The following SGMS1 variants were observed in gnomAD, a reference collection of about 807,000 sequenced individuals.
The protein encoded by SGMS1 is sphingomyelin synthase 1, also known as phosphatidylcholine:ceramide cholinephosphotransferase 1.
Under a neutral mutation model 46.2 loss-of-function variants are expected in SGMS1, and 13 were observed. That is an observed-to-expected ratio of 0.28 (90% CI 0.18 to 0.45). The LOEUF (loss-of-function observed/expected upper bound fraction) is 0.45. SGMS1 is among the 20% of genes least tolerant of loss of function. The pLI is 1.00. For synonymous variants in SGMS1, 203 were observed against 187.8 expected (o/e 1.08, Z -0.66); for missense variants, 324 against 519.9 (o/e 0.62, Z 3.66).
At position 50,344,191 on chromosome 10, in the gene SGMS1, T is replaced by C; in HGVS notation, c.-77A>G. ...TCACTGTTCCGACAGGGCAGGACAC[T>C]GTCCTGCCTCGGCTCGTTCATCCTG... On this transcript the variant is annotated 5_prime_UTR_variant, in exon 7 of 11. Transcript: ENST00000361781. 6.7e-7 allele frequency: 1 copy of C among 1,503,604 alleles called. No individual in the cohort carries two copies. The allele number at this position is 1,503,604 out of a possible 1,614,324, so 93.1% of individuals were successfully genotyped here.
At chr10:50,619,703 T>G (rs1041355637) in intron 1 of SGMS1, among the ~76,000 whole-genome samples, 4 of 152,222 alleles carry the variant, frequency 2.6e-5, no homozygotes, top group Non-Finnish European at 4.4e-5. Flanking sequence ...CTCACCTGTC[T>G]GTACGTATAA....
intron 1 of SGMS1, among the ~76,000 whole-genome samples, chr10:50,619,441 AAAAC>A (rs1464331990): frequency 2.5e-4 from 38 of 152,366 alleles, no homozygotes; most frequent in South Asian, 1.2e-3. Flanking sequence ...ATGTAAATCA[AAAAC>A]AAACAAAGTA....
chr10:50,588,345 A>T (rs1054494937), intron 2 of SGMS1, among the ~76,000 whole-genome samples: 2 of 152,234 alleles, frequency 1.3e-5, no homozygotes, highest in African/African-American at 4.8e-5. Flanking sequence ...CTGTAAAACA[A>T]TGCTTAGATA....
intron 6 of SGMS1, among the ~76,000 whole-genome samples, chr10:50,371,796 C>T (rs1848439828): frequency 6.6e-6 from 1 of 152,172 alleles, no homozygotes; most frequent in South Asian, 2.1e-4. Context: ...GGACTGGCAT[C>T]TAGTGAGGGC....
chr10:50,531,296 ACT>A (rs1312816933), intron 2 of SGMS1, among the ~76,000 whole-genome samples: 2 of 151,486 alleles, frequency 1.3e-5, no homozygotes, highest in Non-Finnish European at 2.9e-5. Context: ...TTAGTACCTT[ACT>A]CTCTGCTCAA....
At chr10:50,328,627 G>T (rs1016646442) in intron 7 of SGMS1, among the ~76,000 whole-genome samples, 2 of 152,320 alleles carry the variant, frequency 1.3e-5, no homozygotes, top group Middle Eastern at 3.4e-3. Context: ...TTTATGAGTA[G>T]AATTTGGGTG....
chr10:50,387,786 G>C (rs765464582), intron 6 of SGMS1, among the ~76,000 whole-genome samples: 1 of 152,208 alleles, frequency 6.6e-6, no homozygotes, highest in Non-Finnish European at 1.5e-5. Flanking sequence ...TAGGCTCAGA[G>C]ACTCCAGCAC....
Position 50,307,169 on chromosome 10 carries a change from T to C in SGMS1, c.1215A>G (p.Lys405=), listed in dbSNP as rs1847191356. 3 of 1,613,920 alleles carry C rather than the reference T, an allele frequency of 1.9e-6. No homozygotes were observed. Among genetic ancestry groups the C allele is most frequent in the Non-Finnish European group, 1.7e-6 (2 of 1,179,992 alleles). Residue 405 remains lysine, a synonymous_variant, in exon 11 of 11, where the codon AAA becomes AAG. Transcript: ENST00000361781. The surrounding 1 kb of genome is among the most constrained non-coding windows in gnomAD (Gnocchi z 4.2). ...ATGTGTCATTCACCAGCCGGCTGTA[T>C]TTAACTTGCCTACTGAGGTGGACTA... The part of the protein sequence containing the change: ...WPVVHLSRQV[K]YSRLVNDT
intron 2 of SGMS1, among the ~76,000 whole-genome samples, chr10:50,523,262 A>T (rs558794451): frequency 4.6e-5 from 7 of 152,348 alleles, no homozygotes; most frequent in Admixed American, 4.6e-4. Flanking sequence ...TGAGGAAGAC[A>T]GGTCTGCTCT....
At chr10:50,373,379 G>A (rs566969470) in intron 6 of SGMS1, among the ~76,000 whole-genome samples, 1 of 152,266 alleles carries the variant, frequency 6.6e-6, no homozygotes, top group East Asian at 1.9e-4. Flanking sequence ...TTGTCTTAAC[G>A]CCCTGATCAT....
intron 1 of SGMS1, among the ~76,000 whole-genome samples, chr10:50,600,501 T>C (rs1838639432): frequency 6.6e-6 from 1 of 152,134 alleles, no homozygotes; most frequent in East Asian, 1.9e-4. Flanking sequence ...CTATTCTATA[T>C]GGGGGAAGGG....
chr10:50,607,287 A>T (rs1588891056), intron 1 of SGMS1, among the ~76,000 whole-genome samples: 1 of 152,002 alleles, frequency 6.6e-6, no homozygotes. Flanking sequence ...CTGGCCTAGC[A>T]TTGTACTTTG....
chr10:50,528,813 T>C (rs980551991), intron 2 of SGMS1, among the ~76,000 whole-genome samples: 4 of 151,326 alleles, frequency 2.6e-5, no homozygotes, highest in African/African-American at 9.8e-5. Flanking sequence ...TGAGCCATGA[T>C]TGCAACAGAG....
chr10:50,589,311 G>C (rs1838517301), intron 2 of SGMS1, among the ~76,000 whole-genome samples: 3 of 152,072 alleles, frequency 2.0e-5, no homozygotes, highest in Admixed American at 2.0e-4. Context: ...GCCCAGCCTG[G>C]AGTACAGTGG....
rs1181232567 is a variant in SGMS1, at chr10:50,366,315, GGTT to G, written c.-231-21973_-231-21971del. Among the ~76,000 whole-genome samples the G allele has an allele frequency of 2.0e-5, 3 of 152,186 alleles. 1 individual carries two copies. The highest frequency in any genetic ancestry group is 4.4e-5 in the Non-Finnish European group (3 of 68,028). ...GTCAGAAAACAATAGATGCTGGAGAGGTTGTGGAAAAATATAAACGCTTTTACA... is the reference window on the plus strand; with the variant it reads ...GTCAGAAAACAATAGATGCTGGAGAGGTGGAAAAATATAAACGCTTTTACA... On this transcript the variant is annotated intron_variant, in intron 6 of 10. Coordinates refer to ENST00000361781, the MANE Select transcript of SGMS1 (RefSeq NM_147156.4).
intron 1 of SGMS1, among the ~76,000 whole-genome samples, chr10:50,619,324 T>C (rs1276382433): frequency 6.6e-6 from 1 of 152,064 alleles, no homozygotes; most frequent in Non-Finnish European, 1.5e-5. Flanking sequence ...ATCTCACAAA[T>C]AAAATGTTAA....
At chr10:50,465,995 AG>A (rs1189134607) in intron 4 of SGMS1, among the ~76,000 whole-genome samples, 3 of 152,204 alleles carry the variant, frequency 2.0e-5, no homozygotes, top group African/African-American at 7.2e-5. Flanking sequence ...GACTGCATCA[AG>A]AAAATAAAGA....
At chr10:50,425,869 T>C (rs1849319329) in intron 6 of SGMS1, among the ~76,000 whole-genome samples, 1 of 152,248 alleles carries the variant, frequency 6.6e-6, no homozygotes, top group Non-Finnish European at 1.5e-5. Flanking sequence ...ACTCTTTTTT[T>C]CCCTGAACCT....
chr10:50,549,364 A>C (rs1338613838), intron 2 of SGMS1, among the ~76,000 whole-genome samples: 1 of 152,226 alleles, frequency 6.6e-6, no homozygotes, highest in Non-Finnish European at 1.5e-5. Context: ...CGAAGCCATA[A>C]AAAGGAATGA....
Sources: allele counts gnomAD v4.1 joint callset (sites outside exome capture counted in the v4.1 genomes callset), GRCh38; gene constraint gnomAD v4.1.1; non-coding constraint Gnocchi (gnomAD v3.1); transcripts MANE v1.5; gene names NCBI Gene and HGNC (gene_info 2026-07-23, HGNC 2026-07-21).